COL4A6: variants seen among roughly 807,000 people sequenced by gnomAD.
COL4A6 encodes the protein collagen alpha-6(IV) chain.
In COL4A6, 59 loss-of-function variants were observed where a neutral mutation model predicts 126.7. The ratio of observed to expected loss-of-function variants is 0.47; its 90% CI spans 0.38 to 0.58. The LOEUF (loss-of-function observed/expected upper bound fraction) is 0.58. Among genes scored for constraint, COL4A6 ranks in the 20% least tolerant of loss-of-function variants. The pLI, the probability that COL4A6 is intolerant of heterozygous loss-of-function variation, is 0.00. For missense variants in COL4A6, 1,285 were observed against 1,337.3 expected, an observed-to-expected ratio of 0.96 and a Z score of 0.61; for synonymous variants, 547 against 496.6, an observed-to-expected ratio of 1.10 and a Z score of -1.35.
chrX:108,427,642 G>A (rs904781636), intron 2 of COL4A6, among the ~76,000 whole-genome samples: 2 of 111,677 alleles, frequency 1.8e-5, no homozygotes, highest in Admixed American at 9.5e-5. Flanking sequence ...CTCCATGGGT[G>A]TAGGGAGCTT....
chrX:108,180,034 C>A (rs1309730101), intron 25 of COL4A6, among the ~76,000 whole-genome samples: 1 of 110,418 alleles, frequency 9.1e-6, no homozygotes, highest in East Asian at 2.9e-4. Flanking sequence ...AGTTTGAGGA[C>A]CACTAGTACA....
chrX:108,409,896 G>T (rs1019092585), intron 2 of COL4A6, among the ~76,000 whole-genome samples: 2 of 111,511 alleles, frequency 1.8e-5, no homozygotes, highest in Admixed American at 9.6e-5. Context: ...CCTAAGCTGG[G>T]CAGGATCAAC....
intron 6 of COL4A6, among the ~76,000 whole-genome samples, chrX:108,212,229 T>C (rs2035727244): frequency 2.3e-5 from 1 of 43,750 alleles, no homozygotes; most frequent in Non-Finnish European, 5.6e-5. Flanking sequence ...TATTTTATTA[T>C]TTAAAAAAAA....
At chrX:108,303,781 T>G (rs1467869683) in intron 3 of COL4A6, among the ~76,000 whole-genome samples, 1 of 111,485 alleles carries the variant, frequency 9.0e-6, no homozygotes, top group Non-Finnish European at 1.9e-5. Flanking sequence ...GAAGCACAAT[T>G]TCAGCTGTCA....
chrX:108,379,218 CCA>C (rs1035338851), intron 2 of COL4A6, among the ~76,000 whole-genome samples: 3 of 111,318 alleles, frequency 2.7e-5, no homozygotes, highest in African/African-American at 9.8e-5. Context: ...GGGAGAATGC[CCA>C]CACTTTTGTG....
intron 2 of COL4A6, chrX:108,384,070 G>T (rs2040628178): frequency 2.8e-6 from 1 of 360,237 alleles, no homozygotes; most frequent in Admixed American, 5.7e-5. Flanking sequence ...CATTCATCCA[G>T]TTACCCACCT....
chrX:108,279,770 G>T (rs1158001963), intron 3 of COL4A6, among the ~76,000 whole-genome samples: 3 of 111,604 alleles, frequency 2.7e-5, no homozygotes, highest in African/African-American at 9.8e-5. Flanking sequence ...AAATGTAAAA[G>T]ATCAGAAATT....
intron 2 of COL4A6, among the ~76,000 whole-genome samples, chrX:108,360,372 G>A (rs1460350536): frequency 2.7e-5 from 3 of 111,691 alleles, no homozygotes; most frequent in African/African-American, 9.8e-5. Flanking sequence ...TGGGAGACAA[G>A]AATGACTCAC....
At chrX:108,359,808 G>T (rs1056472481) in intron 2 of COL4A6, among the ~76,000 whole-genome samples, 2 of 112,130 alleles carry the variant, frequency 1.8e-5, no homozygotes, top group African/African-American at 6.5e-5. Flanking sequence ...GCCATAATTT[G>T]CCTTTAGGAA....
intron 3 of COL4A6, among the ~76,000 whole-genome samples, chrX:108,256,500 G>A (rs2037009687): frequency 9.0e-6 from 1 of 111,324 alleles, no homozygotes; most frequent in Non-Finnish European, 1.9e-5. Flanking sequence ...TATAGATGAG[G>A]CAACTGAGAT....
At position 108,205,689 on chromosome X, in the gene COL4A6, G is replaced by A. The variant is rs752962648; in HGVS notation, c.616C>T (p.Pro206Ser). The change falls in exon 10 of 45, where the codon CCA becomes TCA. Residue 206 changes from proline (P) to serine (S), a missense_variant. Physicochemically the swap from Pro to Ser is moderately conservative, Grantham distance 74. Coordinates refer to ENST00000334504, the MANE Select transcript of COL4A6 (RefSeq NM_033641.4). The part of the protein sequence containing the change: ...PAGPPGLQGP[P>S]GPPGPLGPDG... ...GGACCAAGAGGACCAGGAGGCCCTG[G>A]AGGACCCTAGATTTTTTTTAAAAAT... 4.7e-5 allele frequency: 57 copies of A among 1,203,103 alleles called. No homozygotes were observed. Among genetic ancestry groups the A allele is most frequent in the Non-Finnish European group, 6.2e-5 (55 of 891,513 alleles).
At chrX:108,303,436 C>T (rs957742767) in intron 3 of COL4A6, among the ~76,000 whole-genome samples, 2 of 111,815 alleles carry the variant, frequency 1.8e-5, no homozygotes, top group African/African-American at 6.5e-5. Context: ...GATGCTCACT[C>T]ATGTCTTAAT....
chrX:108,280,089 A>G (rs1296449533), intron 3 of COL4A6, among the ~76,000 whole-genome samples: 1 of 111,444 alleles, frequency 9.0e-6, no homozygotes, highest in African/African-American at 3.3e-5. Context: ...AAGAACTAGA[A>G]AAGCAAGAGC....
In COL4A6 at chrX:108,433,170, C is replaced by T. The variant is rs186413759; in HGVS notation, c.63+4772G>A. Among the ~76,000 whole-genome samples, 192 of 111,756 alleles carry T rather than the reference C, an allele frequency of 1.7e-3. 1 individual carries two copies. Among genetic ancestry groups the T allele is most frequent in the African/African-American group, 5.7e-3 (176 of 30,780 alleles). The stretch of plus-strand genomic sequence containing the variant: ...ATTTTGTTTAAATTCATTGTTATAA[C>T]GGAGGAGAATTCAATATTGTTTATA... On this transcript the variant is annotated intron_variant, in intron 2 of 44. Coordinates refer to ENST00000334504, the MANE Select transcript of COL4A6 (RefSeq NM_033641.4).
At chrX:108,170,579 TC>T in intron 35 of COL4A6, 29 bp downstream of exon 35, 1 of 1,128,510 alleles carries the variant, frequency 8.9e-7, no homozygotes, top group East Asian at 3.0e-5. Context: ...GAAAGACTTT[TC>T]CCCACTGCCT....
intron 3 of COL4A6, among the ~76,000 whole-genome samples, chrX:108,272,912 T>C (rs930502767): frequency 1.8e-5 from 2 of 110,162 alleles, no homozygotes; most frequent in African/African-American, 6.6e-5. Flanking sequence ...ATTTTATATA[T>C]ATTTTTTACT....
chrX:108,330,564 C>A (rs60272677), intron 2 of COL4A6, among the ~76,000 whole-genome samples: 6,355 of 110,779 alleles, frequency 0.057, 429 homozygotes, highest in African/African-American at 0.18. Flanking sequence ...ACTGATAGAG[C>A]CTGAAAACTG....
At chrX:108,415,483 G>C (rs1219615382) in intron 2 of COL4A6, among the ~76,000 whole-genome samples, 1 of 112,048 alleles carries the variant, frequency 8.9e-6, no homozygotes, top group Non-Finnish European at 1.9e-5. Flanking sequence ...TATTTTATCT[G>C]TTAGCAAGTT....
At chrX:108,222,903 ATAT>A (rs1157850621) in intron 3 of COL4A6, among the ~76,000 whole-genome samples, 4 of 111,973 alleles carry the variant, frequency 3.6e-5, no homozygotes, top group African/African-American at 1.3e-4. Context: ...TGTATAATGC[ATAT>A]TAATAATATA....
Sources: allele counts gnomAD v4.1 joint callset (sites outside exome capture counted in the v4.1 genomes callset), GRCh38; gene constraint gnomAD v4.1.1; transcripts MANE v1.5; gene names NCBI Gene and HGNC (gene_info 2026-07-23, HGNC 2026-07-21).